The following NLGN3 variants were observed in gnomAD, a reference collection of about 807,000 sequenced individuals.
NLGN3 encodes neuroligin 3.
In NLGN3, 11 loss-of-function variants were observed where a neutral mutation model predicts 42.9. The ratio of observed to expected loss-of-function variants is 0.26; its 90% confidence interval spans 0.16 to 0.42. NLGN3 has a LOEUF of 0.42. Among genes scored for constraint, NLGN3 ranks in the 10% least tolerant of loss-of-function variants. The pLI, the probability that NLGN3 is intolerant of heterozygous loss-of-function variation, is 1.00. For synonymous variants in NLGN3, 279 were observed against 312.7 expected (o/e 0.89, Z 1.14); for missense variants, 374 against 733.8 (o/e 0.51, Z 5.67).
intron 3 of NLGN3, among the ~76,000 whole-genome samples, chrX:71,150,350 A>G (rs904814416): frequency 9.0e-6 from 1 of 111,614 alleles, no homozygotes; most frequent in African/African-American, 3.3e-5. Context: ...GGTAGGGTAC[A>G]GTTCTGGCCT....
At chrX:71,150,537 TA>T (rs1161348184) in intron 3 of NLGN3, among the ~76,000 whole-genome samples, 2 of 109,028 alleles carry the variant, frequency 1.8e-5, no homozygotes, top group African/African-American at 6.7e-5. Context: ...CCGTCTCTAC[TA>T]AAAAATACAA....
rs1210194453 is a variant in NLGN3, at chrX:71,156,304, CCTGTCCCTCA to C, written c.727+944_727+953del. ...TTTACACATCCACCTACCACACACA[CCTGTCCCTCA>C]CTATCTCCTCAGAAACACAAACAAA... On this transcript the variant is annotated intron_variant, in intron 5 of 7. Transcript: ENST00000358741. Among the ~76,000 whole-genome samples, 11 of 107,970 alleles carry C rather than the reference CCTGTCCCTCA, an allele frequency of 1.0e-4. No individual in the cohort carries two copies. In the East Asian group the frequency reaches 1.5e-3, roughly 14 times the overall value. The allele number at this position is 107,970 out of a possible 115,157, so 93.8% of individuals were successfully genotyped here. A position where few individuals can be genotyped will look rare whatever the true frequency, so the allele number is the denominator to read the frequency against.
intron 4 of NLGN3, 91 bp downstream of exon 4, chrX:71,153,627 T>C: frequency 1.2e-6 from 1 of 827,775 alleles, no homozygotes. Flanking sequence ...TCTGTCTGTC[T>C]GTCCGTTGGT....
In NLGN3 at chrX:71,153,555, G is replaced by T. The variant is rs2092398163; in HGVS notation, c.577+19G>T. The T allele has an allele frequency of 4.2e-6, 5 of 1,190,692 alleles. No individual in the cohort carries two copies. Among genetic ancestry groups the T allele is most frequent in the Non-Finnish European group, 5.7e-6 (5 of 879,742 alleles). On this transcript the variant is annotated intron_variant, in intron 4 of 7. Transcript: ENST00000358741. ...GATGAAGGTATTTGGGGGCTGCAGG[G>T]CGCGGCGGCTGGTGCATGGCACAGA...
intron 3 of NLGN3, 24 bp downstream of exon 3, chrX:71,148,929 G>GGA (rs751286360): frequency 2.1e-4 from 201 of 944,513 alleles, no homozygotes; most frequent in Middle Eastern, 2.9e-4. Context: ...CGGCGGGGAG[G>GGA]GAGAGAGAGA....
chrX:71,172,616 G>T (rs1304360843), downstream of NLGN3, among the ~76,000 whole-genome samples: 1 of 91,934 alleles, frequency 1.1e-5, no homozygotes, highest in Non-Finnish European at 2.0e-5. Flanking sequence ...GGTGCTGTGT[G>T]TGTGTGCATG....
chrX:71,148,517 G>A (rs914297526), intron 2 of NLGN3, among the ~76,000 whole-genome samples: 4 of 111,256 alleles, frequency 3.6e-5, no homozygotes, highest in South Asian at 3.8e-4. Context: ...AGCTACCCGC[G>A]GGAGGATGCT....
intron 5 of NLGN3, among the ~76,000 whole-genome samples, chrX:71,160,836 G>A (rs1047852257): frequency 5.3e-5 from 6 of 112,531 alleles, no homozygotes; most frequent in African/African-American, 1.9e-4. Context: ...GTTACAATCT[G>A]CCAGATTCCC....
chrX:71,147,625 C>A lies in NLGN3; in HGVS notation c.-125C>A. On this transcript the variant is annotated 5_prime_UTR_variant, in exon 2 of 8. Coordinates refer to ENST00000358741, the MANE Select transcript of NLGN3 (RefSeq NM_181303.2). Reference sequence around the variant, plus strand: ...GACCTGCTCTCTACATTGCTGGGCACCTGTAGGTGTCCCTCGAGAGCTCAG... The same window carrying A: ...GACCTGCTCTCTACATTGCTGGGCAACTGTAGGTGTCCCTCGAGAGCTCAG... 1.7e-6 allele frequency: 1 copy of A among 582,000 alleles called. No homozygotes were observed. The highest frequency in any genetic ancestry group is 2.9e-6 in the Non-Finnish European group (1 of 350,802). The allele number at this position is 582,000 out of a possible 1,213,427, so 48.0% of individuals were successfully genotyped here.
At chrX:71,156,321 C>G (rs545433376) in intron 5 of NLGN3, among the ~76,000 whole-genome samples, 38 of 108,242 alleles carry the variant, frequency 3.5e-4, no homozygotes, top group African/African-American at 1.0e-3. Flanking sequence ...CTCACTATCT[C>G]CTCAGAAACA....
chrX:71,151,700 C>T (rs1320226869), intron 3 of NLGN3, among the ~76,000 whole-genome samples: 1 of 112,381 alleles, frequency 8.9e-6, no homozygotes, highest in Non-Finnish European at 1.9e-5. Context: ...CCCAGGAACA[C>T]TTTCAGAGGG....
At chrX:71,151,601 G>A (rs754180403) in intron 3 of NLGN3, among the ~76,000 whole-genome samples, 56 of 112,383 alleles carry the variant, frequency 5.0e-4, no homozygotes, top group African/African-American at 1.5e-3. Context: ...TGGCCTGGGT[G>A]AGAGGCATGG....
At chrX:71,148,958 C>A in intron 3 of NLGN3, 53 bp downstream of exon 3, 2 of 798,151 alleles carry the variant, frequency 2.5e-6, no homozygotes, top group South Asian at 3.2e-5. Flanking sequence ...GGGCTGCCTG[C>A]CCACCTGCCC....
chrX:71,152,276 C>T (rs1288848231), intron 3 of NLGN3, among the ~76,000 whole-genome samples: 1 of 111,149 alleles, frequency 9.0e-6, no homozygotes, highest in Non-Finnish European at 1.9e-5. Flanking sequence ...GAAGGAGAAT[C>T]TGTGCCAGCT....
Position 71,170,156 on chromosome X carries a change from T to G in NLGN3, c.*59T>G, listed in dbSNP as rs1484158323. On this transcript the variant is annotated 3_prime_UTR_variant, in exon 8 of 8. Transcript: ENST00000358741. The stretch of plus-strand genomic sequence containing the variant: ...CCTCCCTCCCAGATCCAGGAACACA[T>G]GCACACACACACACACACACACGCA... 14 of 1,165,119 alleles carry G rather than the reference T, an allele frequency of 1.2e-5. No homozygotes were observed. The highest frequency in any genetic ancestry group is 2.4e-5 in the Admixed American group (1 of 41,429).
intron 1 of NLGN3, among the ~76,000 whole-genome samples, chrX:71,146,153 T>TCACACACA (rs752225810): frequency 2.7e-3 from 71 of 26,307 alleles, no homozygotes; most frequent in Non-Finnish European, 3.6e-3. Flanking sequence ...TCTCTCTCTC[T>TCACACACA]CACACACACA....
Position 71,169,245 on chromosome X carries a change from G to A in NLGN3, c.1704-9G>A. 1.7e-6 allele frequency: 2 copies of A among 1,210,580 alleles called. No homozygotes were observed. The highest frequency in any genetic ancestry group is 2.2e-6 in the Non-Finnish European group (2 of 894,992). On this transcript the variant is annotated splice_polypyrimidine_tract_variant and intron_variant, in intron 7 of 7. Coordinates refer to ENST00000358741, the MANE Select transcript of NLGN3 (RefSeq NM_181303.2). Reference sequence around the variant, plus strand: ...AGTGGTGACCCCAGATTTCCATGTGGTATTTCAGGGATCCCAACAAGCCGG... The same window carrying A: ...AGTGGTGACCCCAGATTTCCATGTGATATTTCAGGGATCCCAACAAGCCGG...
chrX:71,148,148 C>T lies in NLGN3; in HGVS notation c.399C>T (p.Tyr133=), dbSNP rs1418701101. Residue 133 remains tyrosine, a synonymous_variant, in exon 2 of 8, where the codon TAC becomes TAT. Coordinates refer to ENST00000358741, the MANE Select transcript of NLGN3 (RefSeq NM_181303.2). ...CCAACTTGGATATCGTCGCTACTTACATCCAGGAGCCCAACGAAGACTGTC... is the reference window on the plus strand; with the variant it reads ...CCAACTTGGATATCGTCGCTACTTATATCCAGGAGCCCAACGAAGACTGTC... ...FTANLDIVAT[Y]IQEPNEDCLY... 85 of 1,208,978 alleles carry T rather than the reference C, an allele frequency of 7.0e-5. No homozygotes were observed. The highest frequency in any genetic ancestry group is 1.2e-4 in the East Asian group (4 of 33,745).
At chrX:71,166,891 A>G in intron 6 of NLGN3, 120 bp from the exon 7 acceptor site, 1 of 629,416 alleles carries the variant, frequency 1.6e-6, no homozygotes, top group Non-Finnish European at 2.5e-6. Context: ...CTGCCAAAAG[A>G]GTTGTTCCCC....
Sources: gnomAD v4.1 joint callset for allele counts (sites outside exome capture counted in the v4.1 genomes callset) on GRCh38, gnomAD v4.1.1 for gene constraint, MANE v1.5 for transcripts, NCBI Gene and HGNC (gene_info 2026-07-23, HGNC 2026-07-21) for gene names.